The following EPSTI1 variants were observed in gnomAD, a reference collection of about 807,000 sequenced individuals.
EPSTI1 encodes the protein epithelial stromal interaction 1.
Under a neutral mutation model 49.9 loss-of-function variants are expected in EPSTI1, and 66 were observed. That is an observed-to-expected ratio of 1.32 (90% CI 1.08 to 1.62). The LOEUF (loss-of-function observed/expected upper bound fraction) is 1.62, where lower values mean the gene tolerates loss of function less well. Among genes scored for constraint, EPSTI1 ranks in the 40% most tolerant of loss-of-function variants. The pLI is 0.00. For missense variants in EPSTI1, 394 were observed against 365.5 expected (o/e 1.08, Z -0.64); for synonymous variants, 137 against 130.7 (o/e 1.05, Z -0.33).
rs572309182 is a variant in EPSTI1 at position 42,923,216 on chromosome 13, A to C, written c.657+3120T>G. Among the ~76,000 whole-genome samples, 3 of 152,334 alleles carry C rather than the reference A, an allele frequency of 2.0e-5. No homozygotes were observed. In the East Asian group the frequency reaches 5.8e-4, roughly 29 times the overall value. Reference sequence around the variant, plus strand: ...GGGGGACCACTGAATGATTTGGGGAAGTGAAACACCAGGATAAGATTTTTT... The same window carrying C: ...GGGGGACCACTGAATGATTTGGGGACGTGAAACACCAGGATAAGATTTTTT... On this transcript the variant is annotated intron_variant, in intron 7 of 10. Coordinates refer to ENST00000313624, the MANE Select transcript of EPSTI1 (RefSeq NM_033255.5).
chr13:42,966,763 C>A lies in EPSTI1; in HGVS notation c.331+2331G>T, dbSNP rs1211775246. 4.4e-5 allele frequency among the ~76,000 whole-genome samples: 4 copies of A among 90,292 alleles called. 1 individual carries two copies. Among genetic ancestry groups the A allele is most frequent in the Non-Finnish European group, 7.6e-5 (3 of 39,566 alleles). 59.2% of individuals were successfully genotyped at this position (90,292 alleles called of 152,430 possible). A position where few individuals can be genotyped will look rare whatever the true frequency, so the allele number is the denominator to read the frequency against. On this transcript the variant is annotated intron_variant, in intron 3 of 10. Coordinates refer to ENST00000313624, the MANE Select transcript of EPSTI1 (RefSeq NM_033255.5). ...AGGGGCGCCTCCGCCCGGCCACCAC[C>A]CCGTCTGGGAGGTGTGCCCAACAGC...
At chr13:42,986,968 C>T (rs77679574) in intron 1 of EPSTI1, among the ~76,000 whole-genome samples, 2,024 of 152,216 alleles carry the variant, frequency 0.013, 42 homozygotes, top group East Asian at 0.064. Flanking sequence ...TCACACCCCA[C>T]CACCTACCCC....
chr13:42,924,619 G>C (rs908993770), intron 7 of EPSTI1, among the ~76,000 whole-genome samples: 8 of 151,912 alleles, frequency 5.3e-5, no homozygotes, highest in African/African-American at 1.9e-4. Flanking sequence ...ATCCAGACAG[G>C]TGTTTAGGGC....
At chr13:42,954,867 A>C (rs373643690) in intron 5 of EPSTI1, among the ~76,000 whole-genome samples, 3 of 152,236 alleles carry the variant, frequency 2.0e-5, no homozygotes, top group Non-Finnish European at 4.4e-5. Flanking sequence ...TTTAATAAAA[A>C]TTGGATTTGC....
At chr13:42,899,204 AAAAAAAG>A (rs2037283693) in intron 9 of EPSTI1, among the ~76,000 whole-genome samples, 1 of 151,874 alleles carries the variant, frequency 6.6e-6, no homozygotes, top group Admixed American at 6.6e-5. Flanking sequence ...TCTCAAAAAA[AAAAAAAG>A]AAAAAAGAGA....
At chr13:42,975,721 G>A (rs2039868146) in intron 1 of EPSTI1, among the ~76,000 whole-genome samples, 1 of 152,262 alleles carries the variant, frequency 6.6e-6, no homozygotes, top group East Asian at 1.9e-4. Flanking sequence ...CTGGGCAAGT[G>A]TGTGTAGTCA....
chr13:42,903,324 A>G (rs115057755), intron 8 of EPSTI1, among the ~76,000 whole-genome samples: 9 of 152,344 alleles, frequency 5.9e-5, no homozygotes, highest in African/African-American at 2.2e-4. Flanking sequence ...AAAGAAAACA[A>G]AAAATGAGAA....
intron 8 of EPSTI1, among the ~76,000 whole-genome samples, chr13:42,910,357 G>A (rs754344663): frequency 6.0e-5 from 9 of 150,312 alleles, no homozygotes; most frequent in African/African-American, 1.2e-4. Flanking sequence ...CGGCTCCTGG[G>A]TTCAAGTGAT....
intron 1 of EPSTI1, among the ~76,000 whole-genome samples, chr13:42,981,603 C>G (rs1041271589): frequency 6.6e-6 from 1 of 152,212 alleles, no homozygotes; most frequent in African/African-American, 2.4e-5. Flanking sequence ...TCCTTCTAAA[C>G]AGGACCATAA....
chr13:42,889,407 CTA>C (rs1275853462), intron 10 of EPSTI1, among the ~76,000 whole-genome samples: 4 of 152,150 alleles, frequency 2.6e-5, no homozygotes, highest in African/African-American at 9.7e-5. Flanking sequence ...GCTTAAGTGT[CTA>C]TATGACATTT....
chr13:42,938,068 TTTG>T (rs2038623600), intron 6 of EPSTI1, among the ~76,000 whole-genome samples: 1 of 152,168 alleles, frequency 6.6e-6, no homozygotes, highest in Non-Finnish European at 1.5e-5. Context: ...AGTTAGCATG[TTTG>T]ACCTTGAACT....
chr13:42,969,129 C>G lies in EPSTI1; in HGVS notation c.296G>C (p.Arg99Thr). 6.2e-7 allele frequency: 1 copy of G among 1,614,182 alleles called. No individual in the cohort carries two copies. Among genetic ancestry groups the G allele is most frequent in the Non-Finnish European group, 8.5e-7 (1 of 1,180,022 alleles). ...GGGCACCAGGTGAACCGGTTTAGCTCTGTTCTGCTCCTTCCACTTCTCCAG... is the reference window on the plus strand; with the variant it reads ...GGGCACCAGGTGAACCGGTTTAGCTGTGTTCTGCTCCTTCCACTTCTCCAG... ...ANLEKWKEQN[R>T]AKPVHLVPRR... The change falls in exon 3 of 11, where the codon AGA becomes ACA. Residue 99 changes from arginine to threonine, a missense_variant. Physicochemically the swap from Arg to Thr is moderately conservative, Grantham distance 71 (BLOSUM62 -1). Coordinates refer to ENST00000313624, the MANE Select transcript of EPSTI1 (RefSeq NM_033255.5).
rs538751648 is a variant in EPSTI1, at chr13:42,948,069, G to A, written c.563+5879C>T. On this transcript the variant is annotated intron_variant, in intron 6 of 10. Coordinates refer to ENST00000313624, the MANE Select transcript of EPSTI1 (RefSeq NM_033255.5). ...GGCCTCACCCCACAGCGCTCTCCAC[G>A]GTGTTCCCGCAGCTGCCAGGCTTCC... Among the ~76,000 whole-genome samples, 6 of 152,344 alleles carry A rather than the reference G, an allele frequency of 3.9e-5. No homozygotes were observed. The South Asian group carries it at 6.2e-4, about 16-fold the overall frequency.
intron 10 of EPSTI1, among the ~76,000 whole-genome samples, chr13:42,890,407 C>G (rs1267735016): frequency 6.6e-6 from 1 of 151,674 alleles, no homozygotes; most frequent in Non-Finnish European, 1.5e-5. Context: ...ACGCCATTCT[C>G]CCGCCTCAGC....
intron 5 of EPSTI1, among the ~76,000 whole-genome samples, chr13:42,958,483 G>T (rs1018623650): frequency 7.2e-5 from 11 of 152,024 alleles, no homozygotes; most frequent in Non-Finnish European, 1.0e-4. Flanking sequence ...AGAGGAGAAA[G>T]GGAGCTTAAC....
chr13:42,988,594 G>A (rs1490299599), intron 1 of EPSTI1, among the ~76,000 whole-genome samples: 1 of 152,116 alleles, frequency 6.6e-6, no homozygotes, highest in Non-Finnish European at 1.5e-5. Flanking sequence ...AGCCAGGCAT[G>A]GTGGCATGTG....
chr13:42,976,702 A>G lies in EPSTI1; in HGVS notation c.189-6032T>C, dbSNP rs562508626. 2.6e-5 allele frequency among the ~76,000 whole-genome samples: 4 copies of G among 152,364 alleles called. No individual in the cohort carries two copies. The South Asian group carries it at 8.3e-4, about 32-fold the overall frequency. ...GTGATGTACTCCAAAATCTGTACAT[A>G]GAACACTTAGAAATGAAATTCATGT... On this transcript the variant is annotated intron_variant, in intron 1 of 10. Transcript: ENST00000313624.
chr13:42,916,440 A>G (rs556334662), intron 8 of EPSTI1, among the ~76,000 whole-genome samples: 1 of 152,318 alleles, frequency 6.6e-6, no homozygotes, highest in South Asian at 2.1e-4. Flanking sequence ...GCTGGGCGAA[A>G]CTATGAATGA....
intron 6 of EPSTI1, among the ~76,000 whole-genome samples, chr13:42,931,481 A>G (rs1262758746): frequency 1.3e-5 from 2 of 152,142 alleles, no homozygotes; most frequent in Admixed American, 6.5e-5. Flanking sequence ...CTGGGATTAC[A>G]GGCGTGAGCC....
Sources: allele counts gnomAD v4.1 joint callset (sites outside exome capture counted in the v4.1 genomes callset), GRCh38; gene constraint gnomAD v4.1.1; transcripts MANE v1.5; gene names NCBI Gene and HGNC (gene_info 2026-07-23, HGNC 2026-07-21).